PTPRN2: variants seen among roughly 807,000 people sequenced by gnomAD.
PTPRN2 encodes the protein receptor-type tyrosine-protein phosphatase N2.
In PTPRN2, 74 loss-of-function variants were observed where a neutral mutation model predicts 118.8. That is an observed-to-expected ratio of 0.62 (90% CI 0.52 to 0.76). PTPRN2 has a LOEUF of 0.76. PTPRN2 is among the 30% of genes least tolerant of loss of function. PTPRN2 has a pLI of 0.00. For missense variants in PTPRN2, 1,481 were observed against 1,394.4 expected, an observed-to-expected ratio of 1.06 and a Z score of -0.99; for synonymous variants, 641 against 608.0, an observed-to-expected ratio of 1.05 and a Z score of -0.80.
chr7:158,175,373 T>A (rs1037609506), intron 5 of PTPRN2, among the ~76,000 whole-genome samples: 3 of 151,694 alleles, frequency 2.0e-5, no homozygotes, highest in Admixed American at 6.6e-5. Flanking sequence ...GAATGTGGGG[T>A]TGGGATGACT....
chr7:158,071,231 TG>T (rs1811464914), intron 11 of PTPRN2, among the ~76,000 whole-genome samples: 1 of 70,834 alleles, frequency 1.4e-5, no homozygotes, highest in Non-Finnish European at 2.9e-5. Context: ...GTGCCCGTGG[TG>T]GTGGAGGTGC....
intron 9 of PTPRN2, among the ~76,000 whole-genome samples, chr7:158,128,531 C>G (rs1817884183): frequency 6.6e-6 from 1 of 152,052 alleles, no homozygotes; most frequent in Non-Finnish European, 1.5e-5. Flanking sequence ...TAGCTTTTTT[C>G]TACTGGAAAG....
intron 21 of PTPRN2, among the ~76,000 whole-genome samples, chr7:157,558,439 C>T (rs1799016707): frequency 6.6e-6 from 1 of 152,214 alleles, no homozygotes; most frequent in South Asian, 2.1e-4. Flanking sequence ...GTCCTCAACA[C>T]CTATGTCAGA....
chr7:158,055,477 C>A (rs1217460022), intron 11 of PTPRN2, among the ~76,000 whole-genome samples: 1 of 152,194 alleles, frequency 6.6e-6, no homozygotes, highest in East Asian at 1.9e-4. Flanking sequence ...CTTGTGGAGT[C>A]AGGCCCACCC....
At position 158,146,715 on chromosome 7, in the gene PTPRN2, T is replaced by C. The variant is rs1281461857; in HGVS notation, c.911-8200A>G. Among the ~76,000 whole-genome samples the C allele has an allele frequency of 8.9e-4, 125 of 139,764 alleles. 1 individual carries two copies. In the South Asian group the frequency reaches 0.026, roughly 29 times the overall value. The allele number at this position is 139,764 out of a possible 152,430, so 91.7% of individuals were successfully genotyped here. ...CAGCCTGGGCGACAGAGCGAGACTCTGCCTCAAAAAAAAAAAAAAAGAAAG... is the reference window on the plus strand; with the variant it reads ...CAGCCTGGGCGACAGAGCGAGACTCCGCCTCAAAAAAAAAAAAAAAGAAAG... On this transcript the variant is annotated intron_variant, in intron 6 of 22. Coordinates refer to ENST00000389418, the MANE Select transcript of PTPRN2 (RefSeq NM_002847.5).
At chr7:157,894,142 G>T (rs1796971610) in intron 12 of PTPRN2, among the ~76,000 whole-genome samples, 1 of 152,180 alleles carries the variant, frequency 6.6e-6, no homozygotes, top group Non-Finnish European at 1.5e-5. Flanking sequence ...GGCTGAGCAG[G>T]GACCCTCGCA....
intron 6 of PTPRN2, among the ~76,000 whole-genome samples, chr7:158,154,630 G>A (rs1175380496): frequency 6.6e-6 from 1 of 152,086 alleles, no homozygotes; most frequent in Admixed American, 6.6e-5. Flanking sequence ...GGGCCTCTTA[G>A]AATCACTATA....
chr7:158,038,426 G>C (rs908671519), intron 11 of PTPRN2, among the ~76,000 whole-genome samples: 4 of 151,996 alleles, frequency 2.6e-5, no homozygotes, highest in African/African-American at 9.7e-5. Flanking sequence ...TAAAACTTCA[G>C]AAGAAAATAA....
intron 2 of PTPRN2, among the ~76,000 whole-genome samples, chr7:158,403,266 G>A (rs1345163507): frequency 6.6e-6 from 1 of 152,230 alleles, no homozygotes; most frequent in Admixed American, 6.5e-5. Flanking sequence ...CCAGCAGGAA[G>A]CCAAGTGAAA....
At chr7:157,542,912 G>A (rs1585005383) in intron 22 of PTPRN2, among the ~76,000 whole-genome samples, 1 of 152,202 alleles carries the variant, frequency 6.6e-6, no homozygotes, top group Non-Finnish European at 1.5e-5. Flanking sequence ...ACAGGGGCTT[G>A]TGGATCATCT....
At chr7:158,371,466 A>G (rs146954575) in intron 2 of PTPRN2, among the ~76,000 whole-genome samples, 1 of 152,218 alleles carries the variant, frequency 6.6e-6, no homozygotes. Flanking sequence ...AAATTCATAA[A>G]AGAAAACATA....
intron 12 of PTPRN2, among the ~76,000 whole-genome samples, chr7:157,804,384 C>T (rs1393082300): frequency 6.6e-6 from 1 of 152,242 alleles, no homozygotes; most frequent in Non-Finnish European, 1.5e-5. Context: ...CTGCTGAGCA[C>T]TCATGATATG....
At chr7:158,559,845 C>T (rs140451066) in intron 1 of PTPRN2, among the ~76,000 whole-genome samples, 2 of 152,218 alleles carry the variant, frequency 1.3e-5, no homozygotes, top group African/African-American at 2.4e-5. Flanking sequence ...GTTGTCTCCC[C>T]ACTTACATAT....
In PTPRN2 at chr7:157,656,511, C is replaced by G; in HGVS notation, c.2042G>C (p.Arg681Pro). Residue 681 changes from arginine to proline, a missense_variant, in exon 14 of 23, where the codon CGA becomes CCA. Physicochemically the swap from Arg to Pro is moderately radical, Grantham distance 103. Coordinates refer to ENST00000389418, the MANE Select transcript of PTPRN2 (RefSeq NM_002847.5). The part of the protein sequence containing the change: ...RQRMATRPPD[R>P]PEGPHTSRIS... ...GCGTGACGTGTGCGGGCCCTCAGGTCGGTCTGGTGGCCGCGTGGCCATACG... is the reference window on the plus strand; with the variant it reads ...GCGTGACGTGTGCGGGCCCTCAGGTGGGTCTGGTGGCCGCGTGGCCATACG... 3 of 1,551,794 alleles carry G rather than the reference C, an allele frequency of 1.9e-6. No individual in the cohort carries two copies. Among genetic ancestry groups the G allele is most frequent in the South Asian group, 1.2e-5 (1 of 84,846 alleles).
At chr7:157,833,432 G>T (rs1446362048) in intron 12 of PTPRN2, among the ~76,000 whole-genome samples, 1 of 140,696 alleles carries the variant, frequency 7.1e-6, no homozygotes, top group East Asian at 2.1e-4. Context: ...TGGTGAACTT[G>T]TCCAGGAGCG....
intron 10 of PTPRN2, 118 bp from the exon 11 acceptor site, chr7:158,081,495 T>C: frequency 1.1e-6 from 1 of 933,654 alleles, no homozygotes; most frequent in East Asian, 2.6e-5. Flanking sequence ...AAGGCCGCTG[T>C]GGCTCCAGGC....
At chr7:158,230,738 G>A (rs1307926498) in intron 3 of PTPRN2, among the ~76,000 whole-genome samples, 1 of 151,996 alleles carries the variant, frequency 6.6e-6, no homozygotes, top group African/African-American at 2.4e-5. Flanking sequence ...CACAAAGTAA[G>A]ACAGAAAGCA....
intron 2 of PTPRN2, among the ~76,000 whole-genome samples, chr7:158,441,652 G>A (rs1207255473): frequency 6.9e-6 from 1 of 145,140 alleles, no homozygotes; most frequent in Non-Finnish European, 1.5e-5. Flanking sequence ...GGCAATGGTG[G>A]TGATGGTGAT....
At chr7:158,334,307 T>C (rs371984224) in intron 2 of PTPRN2, among the ~76,000 whole-genome samples, 3 of 9,810 alleles carry the variant, frequency 3.1e-4, no homozygotes, top group Admixed American at 1.6e-3. Context: ...AGCTGACACC[T>C]GCAGACGTCA....
Sources: allele counts gnomAD v4.1 joint callset (sites outside exome capture counted in the v4.1 genomes callset), GRCh38; gene constraint gnomAD v4.1.1; transcripts MANE v1.5; gene names NCBI Gene and HGNC (gene_info 2026-07-23, HGNC 2026-07-21).